Variants in LRBA observed in about 807,000 individuals in gnomAD.
LRBA encodes the protein LPS responsive beige-like anchor protein, also known as lipopolysaccharide-responsive and beige-like anchor protein.
A neutral mutation model predicts 330.0 loss-of-function variants in LRBA; 176 were observed. That is an observed-to-expected ratio of 0.53 (90% CI 0.47 to 0.60). The LOEUF is 0.60. Among genes scored for constraint, LRBA ranks in the 20% least tolerant of loss-of-function variants. The pLI is 0.00. For synonymous variants in LRBA, 1,230 were observed against 1,193.0 expected (o/e 1.03, Z -0.64); for missense variants, 3,259 against 3,444.8 (o/e 0.95, Z 1.35).
At chr4:150,705,494 CAAGTATAACACTG>C (rs1785529421) in intron 36 of LRBA, among the ~76,000 whole-genome samples, 4 of 151,946 alleles carry the variant, frequency 2.6e-5, no homozygotes, top group Admixed American at 2.6e-4. Context: ...TCACAAGAGG[CAAGTATAACACTG>C]AAGCTAAAAC....
chr4:150,793,335 G>A (rs1740271412), intron 34 of LRBA, among the ~76,000 whole-genome samples: 1 of 152,026 alleles, frequency 6.6e-6, no homozygotes, highest in African/African-American at 2.4e-5. Context: ...TAAGTCACAA[G>A]AAAATGAAAA....
Position 150,915,649 on chromosome 4 carries a change from C to T in LRBA, c.973G>A (p.Ala325Thr). Reference protein sequence around the residue: ...ELRCYVNGELASYGEITWFVN... With the variant: ...ELRCYVNGELTSYGEITWFVN... ...AACCATGTTATCTCTCCATAGGAAGCCAGCTCACCATTCACATAACATCGA... is the reference window on the plus strand; with the variant it reads ...AACCATGTTATCTCTCCATAGGAAGTCAGCTCACCATTCACATAACATCGA... The change falls in exon 8 of 57, where the codon GCT (alanine) becomes ACT (threonine). Residue 325 changes from alanine (A) to threonine (T), a missense_variant. Coordinates refer to ENST00000651943, the MANE Select transcript of LRBA (RefSeq NM_001364905.1). The T allele has an allele frequency of 6.2e-7, 1 of 1,612,710 alleles. No homozygotes were observed.
chr4:150,387,354 T>A (rs1743237673), intron 47 of LRBA, among the ~76,000 whole-genome samples: 1 of 152,190 alleles, frequency 6.6e-6, no homozygotes, highest in Non-Finnish European at 1.5e-5. Flanking sequence ...CAATGAGAGT[T>A]CTTGTTTTAA....
At chr4:150,479,293 A>T (rs1757047200) in intron 42 of LRBA, among the ~76,000 whole-genome samples, 1 of 152,094 alleles carries the variant, frequency 6.6e-6, no homozygotes, top group Non-Finnish European at 1.5e-5. Context: ...AAAAAAGGAC[A>T]TCTAGCTTTA....
At chr4:150,814,650 G>T (rs1329435504) in intron 31 of LRBA, among the ~76,000 whole-genome samples, 1 of 150,680 alleles carries the variant, frequency 6.6e-6, no homozygotes, top group Non-Finnish European at 1.5e-5. Context: ...AATGGGGGGG[G>T]CTAAGGAGGG....
At chr4:150,941,630 T>C (rs1399872607) in intron 2 of LRBA, among the ~76,000 whole-genome samples, 2 of 152,160 alleles carry the variant, frequency 1.3e-5, no homozygotes, top group African/African-American at 4.8e-5. Flanking sequence ...CTCATGTCTG[T>C]AATCCCAGCA....
At chr4:150,303,740 A>AT (rs1157484615) in intron 52 of LRBA, among the ~76,000 whole-genome samples, 5 of 151,860 alleles carry the variant, frequency 3.3e-5, no homozygotes, top group Non-Finnish European at 7.4e-5. Flanking sequence ...CGCCCGGCTA[A>AT]TTTTTTGTAT....
chr4:150,332,060 G>GT (rs1421724121), intron 48 of LRBA, among the ~76,000 whole-genome samples: 3 of 152,154 alleles, frequency 2.0e-5, no homozygotes, highest in Non-Finnish European at 4.4e-5. Flanking sequence ...CAGTAAGTGT[G>GT]TGATATTATT....
chr4:150,950,169 C>T (rs1175088032), intron 2 of LRBA, among the ~76,000 whole-genome samples: 1 of 152,010 alleles, frequency 6.6e-6, no homozygotes. Flanking sequence ...TAATAGCTTG[C>T]TGGTTCAATC....
chr4:150,293,002 A>G (rs1560973150), intron 53 of LRBA, among the ~76,000 whole-genome samples: 2 of 152,290 alleles, frequency 1.3e-5, no homozygotes, highest in East Asian at 3.9e-4. Flanking sequence ...TTATAAAAAA[A>G]GTAATAATTT....
chr4:150,625,719 T>A (rs1397257603), intron 37 of LRBA, among the ~76,000 whole-genome samples: 1 of 146,922 alleles, frequency 6.8e-6, no homozygotes, highest in Non-Finnish European at 1.5e-5. Flanking sequence ...TTATTATTAT[T>A]TTTTTTTTGA....
intron 37 of LRBA, among the ~76,000 whole-genome samples, chr4:150,657,495 A>T (rs1365362521): frequency 1.3e-5 from 2 of 152,038 alleles, no homozygotes; most frequent in Non-Finnish European, 2.9e-5. Flanking sequence ...AAAATGATTA[A>T]TTTCCATAGA....
chr4:150,758,547 A>G (rs1347204286), intron 35 of LRBA, among the ~76,000 whole-genome samples: 1 of 150,450 alleles, frequency 6.6e-6, no homozygotes, highest in Admixed American at 6.6e-5. Flanking sequence ...AATTACTACA[A>G]TAGCCCCCTA....
chr4:150,538,742 C>T (rs892059990), intron 40 of LRBA, among the ~76,000 whole-genome samples: 8 of 150,750 alleles, frequency 5.3e-5, no homozygotes, highest in African/African-American at 1.7e-4. Flanking sequence ...AGAATGATTG[C>T]TTGAGCCCAG....
intron 48 of LRBA, among the ~76,000 whole-genome samples, chr4:150,326,463 G>T (rs1277657810): frequency 6.6e-6 from 1 of 152,156 alleles, no homozygotes; most frequent in African/African-American, 2.4e-5. Flanking sequence ...AGCATGAGAT[G>T]GTTAAACCAG....
At chr4:150,516,131 C>T (rs1762311449) in intron 40 of LRBA, among the ~76,000 whole-genome samples, 1 of 150,706 alleles carries the variant, frequency 6.6e-6, no homozygotes, top group African/African-American at 2.4e-5. Flanking sequence ...GAGTATTCTA[C>T]CTTAAACAAT....
chr4:150,781,437 G>T (rs760284320), intron 34 of LRBA, among the ~76,000 whole-genome samples: 5 of 152,336 alleles, frequency 3.3e-5, no homozygotes, highest in Non-Finnish European at 5.9e-5. Context: ...CTGACAGGAG[G>T]CGGAGCTCAG....
intron 2 of LRBA, among the ~76,000 whole-genome samples, chr4:150,952,397 T>C (rs993738391): frequency 6.6e-6 from 1 of 152,146 alleles, no homozygotes; most frequent in African/African-American, 2.4e-5. Flanking sequence ...CTATTAACAA[T>C]GGCTACCTCA....
intron 14 of LRBA, among the ~76,000 whole-genome samples, chr4:150,899,221 T>G (rs1235249503): frequency 6.6e-6 from 1 of 152,140 alleles, no homozygotes; most frequent in Middle Eastern, 3.2e-3. Flanking sequence ...AAAAGAGACT[T>G]TCACTGGAAA....
Sources: allele counts gnomAD v4.1 joint callset (sites outside exome capture counted in the v4.1 genomes callset), GRCh38; gene constraint gnomAD v4.1.1; transcripts MANE v1.5; gene names NCBI Gene and HGNC (gene_info 2026-07-23, HGNC 2026-07-21).